Variants in PTPRQ observed in about 807,000 individuals in gnomAD.
PTPRQ encodes the protein phosphatidylinositol phosphatase PTPRQ.
A neutral mutation model predicts 246.0 loss-of-function variants in PTPRQ; 199 were observed. The ratio of observed to expected loss-of-function variants is 0.81; its 90% confidence interval spans 0.72 to 0.91. The LOEUF (loss-of-function observed/expected upper bound fraction) is 0.91. Among genes scored for constraint, PTPRQ ranks in the 40% least tolerant of loss-of-function variants. PTPRQ has a pLI of 0.00. For missense variants in PTPRQ, 2,624 were observed against 2,528.4 expected (o/e 1.04, Z -0.81); for synonymous variants, 869 against 853.2 (o/e 1.02, Z -0.32).
intron 3 of PTPRQ, chr12:80,454,533 C>G (rs1244737269): frequency 5.7e-6 from 4 of 702,374 alleles, no homozygotes; most frequent in East Asian, 2.7e-5. Flanking sequence ...AGTAGACATC[C>G]TACTTTTGTT....
At chr12:80,619,982 T>C (rs900779272) in intron 31 of PTPRQ, among the ~76,000 whole-genome samples, 172 bp from the exon 32 acceptor site, 3 of 151,628 alleles carry the variant, frequency 2.0e-5, no homozygotes, top group Non-Finnish European at 4.4e-5. Flanking sequence ...GATTCACATG[T>C]AACAGAGAAG....
At chr12:80,666,146 A>G (rs566770645) in intron 39 of PTPRQ, among the ~76,000 whole-genome samples, 28 of 152,152 alleles carry the variant, frequency 1.8e-4, no homozygotes, top group Admixed American at 1.2e-3. Flanking sequence ...TTCACAATAG[A>G]TGAGATAAAG....
At chr12:80,622,202 A>G (rs1592727529) in intron 33 of PTPRQ, 68 bp downstream of exon 33, 3 of 1,140,322 alleles carry the variant, frequency 2.6e-6, no homozygotes, top group African/African-American at 1.6e-5. Context: ...TTATTAGTAA[A>G]TGTATTAATC....
chr12:80,662,734 C>T lies in PTPRQ; in HGVS notation c.6192+4673C>T, dbSNP rs189074336. ...ATTTAAGGACTGCAATGAAAAGTGG[C>T]ATCCATGGGTAAAGGTCATAATGAA... On this transcript the variant is annotated intron_variant, in intron 39 of 44. Transcript: ENST00000644991. Among the ~76,000 whole-genome samples the T allele has an allele frequency of 2.0e-5, 3 of 152,058 alleles. No individual in the cohort carries two copies. The East Asian group carries it at 5.8e-4, about 29-fold the overall frequency.
chr12:80,584,842 A>T (rs1413140148), intron 25 of PTPRQ, among the ~76,000 whole-genome samples: 1 of 152,258 alleles, frequency 6.6e-6, no homozygotes, highest in East Asian at 1.9e-4. Context: ...GCATTTGAAA[A>T]AATTATGAAA....
intron 20 of PTPRQ, among the ~76,000 whole-genome samples, 168 bp downstream of exon 20, chr12:80,540,112 C>A (rs1896108989): frequency 6.6e-6 from 1 of 151,966 alleles, no homozygotes; most frequent in Non-Finnish European, 1.5e-5. Context: ...GCAGTAATAG[C>A]CTCTTCTGTT....
rs76627472 is a variant in PTPRQ, at chr12:80,554,637, G to C, written c.4285+4903G>C. ...TTTATTAGCTTTTTGTCCAGTGGAAGATATCAGGCATATGCAGTGATCCAC... is the reference window on the plus strand; with the variant it reads ...TTTATTAGCTTTTTGTCCAGTGGAACATATCAGGCATATGCAGTGATCCAC... On this transcript the variant is annotated intron_variant, in intron 25 of 44. Coordinates refer to ENST00000644991, the MANE Select transcript of PTPRQ (RefSeq NM_001145026.2). Among the ~76,000 whole-genome samples, 370 of 152,298 alleles carry C rather than the reference G, an allele frequency of 2.4e-3. 13 individuals carry two copies. The East Asian group carries it at 0.051, about 21-fold the overall frequency.
At chr12:80,621,692 AAC>A (rs1013121139) in intron 32 of PTPRQ, among the ~76,000 whole-genome samples, 2 of 152,026 alleles carry the variant, frequency 1.3e-5, no homozygotes, top group African/African-American at 4.8e-5. Flanking sequence ...ATTGAGGTAT[AAC>A]AGTTATGCCT....
At chr12:80,649,464 T>C in intron 36 of PTPRQ, 124 bp from the exon 37 acceptor site, 1 of 1,281,966 alleles carries the variant, frequency 7.8e-7, no homozygotes, top group Non-Finnish European at 1.0e-6. Flanking sequence ...TAAAAAGCTG[T>C]GTTGTTTGTG....
intron 8 of PTPRQ, among the ~76,000 whole-genome samples, chr12:80,484,184 T>G (rs934973085): frequency 6.6e-6 from 1 of 151,978 alleles, no homozygotes; most frequent in African/African-American, 2.4e-5. Flanking sequence ...TTTTGTATTT[T>G]TTAGTAGAGA....
chr12:80,468,659 C>T (rs754178025), intron 6 of PTPRQ, 51 bp from the exon 7 acceptor site: 73 of 1,443,898 alleles, frequency 5.1e-5, no homozygotes, highest in Middle Eastern at 2.4e-4. Flanking sequence ...TAATAGGGTG[C>T]GCTTTCATTT....
At chr12:80,650,886 A>G (rs907379955) in intron 37 of PTPRQ, among the ~76,000 whole-genome samples, 1 of 152,044 alleles carries the variant, frequency 6.6e-6, no homozygotes, top group African/African-American at 2.4e-5. Flanking sequence ...AGTTTGAAGA[A>G]CTTTTTAAAA....
Position 80,539,858 on chromosome 12 carries a change from A to G in PTPRQ, c.3068A>G (p.Tyr1023Cys), listed in dbSNP as rs1042667045. Residue 1023 changes from tyrosine (Y) to cysteine (C), a missense_variant, in exon 20 of 45, where the codon TAC (tyrosine) becomes TGC (cysteine). Physicochemically the swap from Tyr to Cys is radical, Grantham distance 194. Transcript: ENST00000644991. The part of the protein sequence containing the change: ...TIIDKLTIFS[Y>C]YTFWLTASTS... Reference sequence around the variant, plus strand: ...ATAGATAAACTGACAATATTCAGCTACTATACATTTTGGTTAACAGCAAGT... The same window carrying G: ...ATAGATAAACTGACAATATTCAGCTGCTATACATTTTGGTTAACAGCAAGT... The G allele has an allele frequency of 4.5e-6, 7 of 1,549,752 alleles. No individual in the cohort carries two copies. The highest frequency in any genetic ancestry group is 6.1e-6 in the Non-Finnish European group (7 of 1,145,950).
chr12:80,642,919 T>TA (rs902888826), intron 35 of PTPRQ, among the ~76,000 whole-genome samples: 1,610 of 77,088 alleles, frequency 0.021, 81 homozygotes, highest in East Asian at 0.056. Context: ...GACTCCGTCT[T>TA]AAAAAAAAAA....
intron 25 of PTPRQ, among the ~76,000 whole-genome samples, chr12:80,575,208 C>T (rs1897250888): frequency 6.6e-6 from 1 of 152,090 alleles, no homozygotes; most frequent in Non-Finnish European, 1.5e-5. Flanking sequence ...GCCTTAATGT[C>T]ACTTGGTGAT....
intron 17 of PTPRQ, among the ~76,000 whole-genome samples, 184 bp from the exon 18 acceptor site, chr12:80,533,831 T>A (rs1304424106): frequency 9.9e-5 from 15 of 151,972 alleles, no homozygotes; most frequent in Non-Finnish European, 1.6e-4. Context: ...GCAAAATAAG[T>A]TAATTTACTA....
At position 80,632,262 on chromosome 12, in the gene PTPRQ, C is replaced by T; in HGVS notation, c.5757C>T (p.Leu1919=). 6.4e-7 allele frequency: 1 copy of T among 1,551,274 alleles called. No homozygotes were observed. The highest frequency in any genetic ancestry group is 8.7e-7 in the Non-Finnish European group (1 of 1,146,824). ...SVTLCILSII[L]LGTAIFAFAR... ...CTTTGTGTATCCTTTCAATAATTCT[C>T]CTTGGAACAGCTATTTTTGCATTTG... The change falls in exon 34 of 45, where the codon CTC becomes CTT. Residue 1919 remains leucine, a synonymous_variant. Transcript: ENST00000644991.
At chr12:80,657,722 T>C (rs1188445196) in intron 38 of PTPRQ, among the ~76,000 whole-genome samples, 2 of 151,828 alleles carry the variant, frequency 1.3e-5, no homozygotes, top group Admixed American at 1.3e-4. Context: ...CAGAACAGAT[T>C]GTATATCACT....
intron 35 of PTPRQ, among the ~76,000 whole-genome samples, chr12:80,646,385 A>G (rs377016958): frequency 1.3e-5 from 2 of 152,240 alleles, no homozygotes; most frequent in South Asian, 4.1e-4. Context: ...TAATAAGGCA[A>G]TAATTCACAA....
Sources: allele counts gnomAD v4.1 joint callset (sites outside exome capture counted in the v4.1 genomes callset), GRCh38; gene constraint gnomAD v4.1.1; transcripts MANE v1.5; gene names NCBI Gene and HGNC (gene_info 2026-07-23, HGNC 2026-07-21).